The following NSD1 variants were observed in gnomAD, a reference collection of about 807,000 sequenced individuals.
The protein encoded by NSD1 is nuclear receptor binding SET domain protein 1, also known as histone-lysine N-methyltransferase, H3 lysine-36 specific.
NSD1 carries 26 observed loss-of-function variants against 242.7 expected under a neutral mutation model. That is an observed-to-expected ratio of 0.11 (90% confidence interval 0.08 to 0.15). The LOEUF is 0.15. Ranked by LOEUF, NSD1 falls within the 10% of genes least tolerant of loss-of-function variation. NSD1 has a pLI of 1.00. For synonymous variants in NSD1, 1,106 were observed against 1,178.1 expected (o/e 0.94, Z 1.25); for missense variants, 2,495 against 3,272.8 (o/e 0.76, Z 5.80).
intron 16 of NSD1, among the ~76,000 whole-genome samples, chr5:177,271,543 C>T (rs1476097254): frequency 1.3e-5 from 2 of 152,130 alleles, no homozygotes; most frequent in Non-Finnish European, 2.9e-5. Flanking sequence ...CTAACCTCTA[C>T]ACTGACTTTG....
intron 2 of NSD1, among the ~76,000 whole-genome samples, chr5:177,153,254 G>A (rs1465413739): frequency 6.6e-6 from 1 of 150,622 alleles, no homozygotes; most frequent in Non-Finnish European, 1.5e-5. Flanking sequence ...TGCTGATAGT[G>A]GAATATCATA....
At chr5:177,212,792 G>T (rs1325179354) in intron 5 of NSD1, among the ~76,000 whole-genome samples, 1 of 151,158 alleles carries the variant, frequency 6.6e-6, no homozygotes, top group African/African-American at 2.4e-5. Flanking sequence ...TAAGGCACCC[G>T]CCACCATACC....
chr5:177,143,021 C>T lies in NSD1; in HGVS notation c.927+6991C>T, dbSNP rs114884791. Among the ~76,000 whole-genome samples, 144 of 152,242 alleles carry T rather than the reference C, an allele frequency of 9.5e-4. 1 individual carries two copies. The highest frequency in any genetic ancestry group is 3.2e-3 in the African/African-American group (133 of 41,542). On this transcript the variant is annotated intron_variant, in intron 2 of 22. Transcript: ENST00000439151. ...GGTCTGATTCATCTTTGCATCTTAACAGTGTATAGCATGGTGCCTTCTTTT... is the reference window on the plus strand; with the variant it reads ...GGTCTGATTCATCTTTGCATCTTAATAGTGTATAGCATGGTGCCTTCTTTT...
chr5:177,262,521 C>A (rs1757072773), intron 14 of NSD1, among the ~76,000 whole-genome samples: 1 of 152,188 alleles, frequency 6.6e-6, no homozygotes, highest in Non-Finnish European at 1.5e-5. Context: ...AATCACTAAG[C>A]CAAGGGAAAA....
chr5:177,292,220 C>A, intron 22 of NSD1, 62 bp downstream of exon 22: 1 of 1,530,564 alleles, frequency 6.5e-7, no homozygotes, highest in Non-Finnish European at 9.0e-7. Context: ...GGGTCTCATG[C>A]CATTTGCATC....
At chr5:177,204,429 C>G in intron 4 of NSD1, 137 bp downstream of exon 4, 1 of 768,176 alleles carries the variant, frequency 1.3e-6, no homozygotes, top group Non-Finnish European at 2.1e-6. Context: ...TCTTTGTTCA[C>G]TGCAACCTCC....
chr5:177,288,985 T>C, intron 21 of NSD1, 60 bp downstream of exon 21: 2 of 1,134,156 alleles, frequency 1.8e-6, no homozygotes, highest in South Asian at 2.5e-5. Flanking sequence ...TCCCTAACAG[T>C]GTTAGGGCAG....
chr5:177,266,462 C>A, intron 14 of NSD1: 1 of 613,534 alleles, frequency 1.6e-6, no homozygotes, highest in South Asian at 1.6e-5. Flanking sequence ...ATGGAGTTGC[C>A]GAAGTGGGCG....
Position 177,267,753 on chromosome 5 carries a change from A to C in NSD1, c.5303+35A>C, listed in dbSNP as rs372649300. ...AAGAATAGCACTCATCTCTTTTACC[A>C]TCCTCTGTTTCTTGAGACCTCTCAG... On this transcript the variant is annotated intron_variant, in intron 15 of 22. Transcript: ENST00000439151. 1.9e-5 allele frequency: 31 copies of C among 1,606,422 alleles called. No homozygotes were observed. The African/African-American group carries it at 3.9e-4, about 20-fold the overall frequency.
intron 2 of NSD1, among the ~76,000 whole-genome samples, chr5:177,174,148 C>T (rs534306222): frequency 1.5e-4 from 23 of 151,992 alleles, no homozygotes; most frequent in Non-Finnish European, 2.6e-4. Context: ...GGGTGGATCA[C>T]GAGGTCAAGA....
chr5:177,143,756 G>A (rs904999796), intron 2 of NSD1, among the ~76,000 whole-genome samples: 3 of 151,882 alleles, frequency 2.0e-5, no homozygotes, highest in Non-Finnish European at 4.4e-5. Flanking sequence ...TTCATTGGAG[G>A]GTTGTTAAGT....
At position 177,164,409 on chromosome 5, in the gene NSD1, G is replaced by A. The variant is rs563781486; in HGVS notation, c.928-27475G>A. 1.1e-3 allele frequency among the ~76,000 whole-genome samples: 162 copies of A among 151,918 alleles called. 1 individual carries two copies. The highest frequency in any genetic ancestry group is 3.7e-3 in the African/African-American group (152 of 41,454). ...TGACCTCAGGTGATCCGCCTGCCTCGGCCTCCCAAAGTGCTGGGATCACAG... is the reference window on the plus strand; with the variant it reads ...TGACCTCAGGTGATCCGCCTGCCTCAGCCTCCCAAAGTGCTGGGATCACAG... On this transcript the variant is annotated intron_variant, in intron 2 of 22. Coordinates refer to ENST00000439151, the MANE Select transcript of NSD1 (RefSeq NM_022455.5).
chr5:177,227,684 G>A (rs181772765), intron 5 of NSD1, among the ~76,000 whole-genome samples: 11 of 152,192 alleles, frequency 7.2e-5, no homozygotes, highest in East Asian at 3.9e-4. Context: ...AGGTGATCCC[G>A]CTCGCCTTGG....
intron 12 of NSD1, 146 bp downstream of exon 12, chr5:177,251,999 C>A: frequency 1.0e-6 from 1 of 962,830 alleles, no homozygotes; most frequent in Non-Finnish European, 1.6e-6. Flanking sequence ...TCACTGCTTT[C>A]AGAAAAGCTA....
At chr5:177,138,224 T>C (rs943275613) in intron 2 of NSD1, among the ~76,000 whole-genome samples, 8 of 152,074 alleles carry the variant, frequency 5.3e-5, no homozygotes, top group Non-Finnish European at 8.8e-5. Flanking sequence ...TTGAAATTGC[T>C]CAAAGACTTT....
At chr5:177,266,128 A>G in intron 14 of NSD1, 7 of 1,108,606 alleles carry the variant, frequency 6.3e-6, no homozygotes, top group South Asian at 2.5e-5. Context: ...AGATGAGGCT[A>G]TTGGGCGCCA....
chr5:177,185,298 T>C (rs1720025859), intron 2 of NSD1, among the ~76,000 whole-genome samples: 1 of 151,818 alleles, frequency 6.6e-6, no homozygotes, highest in South Asian at 2.1e-4. Context: ...TGAAACCCTG[T>C]CTCTACAAAA....
intron 5 of NSD1, among the ~76,000 whole-genome samples, chr5:177,215,820 T>G (rs1354323303): frequency 6.6e-6 from 1 of 152,174 alleles, no homozygotes; most frequent in African/African-American, 2.4e-5. Flanking sequence ...ACCTCTATAG[T>G]GTTTTGCATA....
In NSD1 at chr5:177,230,571, A is replaced by T. The variant is rs553702332; in HGVS notation, c.3797-5250A>T. Among the ~76,000 whole-genome samples the T allele has an allele frequency of 9.2e-5, 14 of 152,246 alleles. No homozygotes were observed. In the East Asian group the frequency reaches 2.3e-3, roughly 25 times the overall value. On this transcript the variant is annotated intron_variant, in intron 5 of 22. Coordinates refer to ENST00000439151, the MANE Select transcript of NSD1 (RefSeq NM_022455.5). The stretch of plus-strand genomic sequence containing the variant: ...CCAGGCGTGGTGGCTCAAGCCTATA[A>T]TCCCAGCACTTTGGAAGGCTGAGGT...
Sources: gnomAD v4.1 joint callset for allele counts (sites outside exome capture counted in the v4.1 genomes callset) on GRCh38, gnomAD v4.1.1 for gene constraint, MANE v1.5 for transcripts, NCBI Gene and HGNC (gene_info 2026-07-23, HGNC 2026-07-21) for gene names.